Variants in YWHAQ observed in about 807,000 individuals in gnomAD.
YWHAQ encodes the protein tyrosine 3-monooxygenase/tryptophan 5-monooxygenase activation protein theta, also known as 14-3-3 protein theta.
In YWHAQ, 6 loss-of-function variants were observed where a neutral mutation model predicts 28.3. The ratio of observed to expected loss-of-function variants is 0.21; its 90% confidence interval spans 0.12 to 0.42. YWHAQ has a LOEUF of 0.42. Among genes scored for constraint, YWHAQ ranks in the 10% least tolerant of loss-of-function variants. The pLI, the probability that YWHAQ is intolerant of heterozygous loss-of-function variation, is 1.00. For synonymous variants in YWHAQ, 143 were observed against 119.1 expected, an observed-to-expected ratio of 1.20 and a Z score of -1.31; for missense variants, 201 against 305.6, an observed-to-expected ratio of 0.66 and a Z score of 2.55.
intron 2 of YWHAQ, among the ~76,000 whole-genome samples, chr2:9,593,589 G>A (rs886153123): frequency 6.6e-6 from 1 of 151,704 alleles, no homozygotes; most frequent in African/African-American, 2.4e-5. Context: ...GGGAAGTAGA[G>A]GCAGAGGCAA....
In YWHAQ at chr2:9,605,516, C is replaced by T. The variant is rs552472277; in HGVS notation, c.295-14001G>A. On this transcript the variant is annotated intron_variant, in intron 2 of 5. Coordinates refer to ENST00000238081, the MANE Select transcript of YWHAQ (RefSeq NM_006826.4). ...TGATATGTCCAATTCTTGTCCCCTGCCCAAGGCAGCCATCATTTACTAGTT... is the reference window on the plus strand; with the variant it reads ...TGATATGTCCAATTCTTGTCCCCTGTCCAAGGCAGCCATCATTTACTAGTT... 2.0e-5 allele frequency among the ~76,000 whole-genome samples: 3 copies of T among 152,226 alleles called. No homozygotes were observed. In the South Asian group the frequency reaches 6.2e-4, roughly 32 times the overall value.
At chr2:9,592,165 C>T (rs1176237518) in intron 2 of YWHAQ, among the ~76,000 whole-genome samples, 1 of 152,106 alleles carries the variant, frequency 6.6e-6, no homozygotes, top group Non-Finnish European at 1.5e-5. Context: ...TTCAAGTATC[C>T]ATCTAAAATG....
intron 2 of YWHAQ, among the ~76,000 whole-genome samples, chr2:9,606,527 G>C (rs1255449597): frequency 6.6e-6 from 1 of 152,184 alleles, no homozygotes; most frequent in Non-Finnish European, 1.5e-5. Flanking sequence ...ATCTGTCTGT[G>C]TGTGTGTGTG....
intron 2 of YWHAQ, among the ~76,000 whole-genome samples, chr2:9,614,938 C>T (rs868116838): frequency 1.4e-4 from 22 of 152,274 alleles, no homozygotes; most frequent in African/African-American, 5.3e-4. Flanking sequence ...AAAATTATTT[C>T]GCATTTACAA....
intron 2 of YWHAQ, among the ~76,000 whole-genome samples, chr2:9,618,430 A>G (rs1412380016): frequency 6.6e-6 from 1 of 152,234 alleles, no homozygotes; most frequent in East Asian, 1.9e-4. Flanking sequence ...AATTAATTCT[A>G]AAGAGGGAAA....
chr2:9,630,178 G>A lies in YWHAQ; in HGVS notation c.275C>T (p.Ser92Phe), dbSNP rs1037601336. ...YREKVESELR[S>F]ICTTVLELLD... ...ACTCACCAGCACCGTGGTGCAGATG[G>A]ATCTCAGCTCGGACTCCACTTTCTC... The change falls in exon 2 of 6, where the codon TCC becomes TTC. Residue 92 changes from serine to phenylalanine, a missense_variant. Coordinates refer to ENST00000238081, the MANE Select transcript of YWHAQ (RefSeq NM_006826.4). This position sits in a 1 kb window ranked among gnomAD's most constrained non-coding sequence, Gnocchi z 5.6. The A allele has an allele frequency of 1.9e-6, 3 of 1,613,654 alleles. No homozygotes were observed. The highest frequency in any genetic ancestry group is 4.5e-5 in the East Asian group (2 of 44,876).
At chr2:9,614,832 T>G (rs563600331) in intron 2 of YWHAQ, among the ~76,000 whole-genome samples, 2 of 152,306 alleles carry the variant, frequency 1.3e-5, no homozygotes, top group South Asian at 2.1e-4. Context: ...GCAGCTGAAG[T>G]ATATACAACC....
chr2:9,597,045 T>C (rs147989561), intron 2 of YWHAQ, among the ~76,000 whole-genome samples: 15 of 152,368 alleles, frequency 9.8e-5, no homozygotes, highest in African/African-American at 3.6e-4. Context: ...GTGGAACTTT[T>C]ATACTATCGT....
chr2:9,599,005 G>A (rs1666633887), intron 2 of YWHAQ, among the ~76,000 whole-genome samples: 1 of 152,148 alleles, frequency 6.6e-6, no homozygotes, highest in Non-Finnish European at 1.5e-5. Flanking sequence ...AGCTCTTGAA[G>A]GAAATTAAAA....
In YWHAQ at chr2:9,628,332, T is replaced by C. The variant is rs554542426; in HGVS notation, c.294+1827A>G. On this transcript the variant is annotated intron_variant, in intron 2 of 5. Coordinates refer to ENST00000238081, the MANE Select transcript of YWHAQ (RefSeq NM_006826.4). ...AGGGGTTGTCCCCATTGAAATGGTC[T>C]GTATGAAAGTTCTATTCTAATAACA... Among the ~76,000 whole-genome samples, 15 of 152,338 alleles carry C rather than the reference T, an allele frequency of 9.8e-5. No individual in the cohort carries two copies. The South Asian group carries it at 3.1e-3, about 32-fold the overall frequency.
At chr2:9,587,322 T>C (rs1046680194) in intron 5 of YWHAQ, 92 bp downstream of exon 5, 7 of 1,128,648 alleles carry the variant, frequency 6.2e-6, no homozygotes, top group Admixed American at 2.5e-5. Context: ...TCAGCTCGTA[T>C]GTATCTTCCC....
chr2:9,592,553 G>A lies in YWHAQ; in HGVS notation c.295-1038C>T, dbSNP rs566045274. The stretch of plus-strand genomic sequence containing the variant: ...AGCCTGGCCAACATAATGAAACCCC[G>A]TCTCTACTAAAAATACAAAAAATTA... On this transcript the variant is annotated intron_variant, in intron 2 of 5. Transcript: ENST00000238081. Among the ~76,000 whole-genome samples, 247 of 151,942 alleles carry A rather than the reference G, an allele frequency of 1.6e-3. 1 individual carries two copies. Among genetic ancestry groups the A allele is most frequent in the Non-Finnish European group, 2.4e-3 (161 of 67,962 alleles).
At chr2:9,587,031 T>C (rs544930855) in intron 5 of YWHAQ, among the ~76,000 whole-genome samples, 2 of 152,332 alleles carry the variant, frequency 1.3e-5, no homozygotes, top group Middle Eastern at 6.8e-3. Flanking sequence ...AAAGTAAACT[T>C]TTATTAGAAC....
chr2:9,597,789 C>T (rs1572991077), intron 2 of YWHAQ, among the ~76,000 whole-genome samples: 2 of 140,480 alleles, frequency 1.4e-5, no homozygotes, highest in Admixed American at 1.4e-4. Context: ...AGAAGCAAAC[C>T]TTTTTTTTTT....
rs557681626 is a variant in YWHAQ at position 9,620,279 on chromosome 2, A to C, written c.294+9880T>G. 1.8e-3 allele frequency among the ~76,000 whole-genome samples: 269 copies of C among 152,378 alleles called. 4 individuals carry two copies. Among genetic ancestry groups the C allele is most frequent in the African/African-American group, 6.2e-3 (259 of 41,594 alleles). Reference sequence around the variant, plus strand: ...AGAGTATCGTACAGAATATGTATTTAGTACCACACTGTGCCAAACCCAACT... The same window carrying C: ...AGAGTATCGTACAGAATATGTATTTCGTACCACACTGTGCCAAACCCAACT... On this transcript the variant is annotated intron_variant, in intron 2 of 5. Coordinates refer to ENST00000238081, the MANE Select transcript of YWHAQ (RefSeq NM_006826.4).
chr2:9,614,169 G>A (rs1028310973), intron 2 of YWHAQ, among the ~76,000 whole-genome samples: 1 of 152,152 alleles, frequency 6.6e-6, no homozygotes, highest in Non-Finnish European at 1.5e-5. Context: ...AGATTCCCAG[G>A]ATATTCAGGT....
intron 2 of YWHAQ, among the ~76,000 whole-genome samples, chr2:9,604,786 TA>T (rs141771756): frequency 0.15 from 22,827 of 151,718 alleles, 2,091 homozygotes; most frequent in Middle Eastern, 0.23. Flanking sequence ...ATGGTTATAA[TA>T]AAAAAAAATT....
chr2:9,626,576 G>A (rs1410340421), intron 2 of YWHAQ, among the ~76,000 whole-genome samples: 2 of 152,212 alleles, frequency 1.3e-5, no homozygotes, highest in Non-Finnish European at 2.9e-5. Flanking sequence ...CTACAGGCAT[G>A]TGCCACCACG....
chr2:9,627,995 T>C (rs1181760234), intron 2 of YWHAQ, among the ~76,000 whole-genome samples: 1 of 152,260 alleles, frequency 6.6e-6, no homozygotes, highest in African/African-American at 2.4e-5. Flanking sequence ...GATGGGAATA[T>C]TGTGGTATTT....
Sources: gnomAD v4.1 joint callset for allele counts (sites outside exome capture counted in the v4.1 genomes callset) on GRCh38, gnomAD v4.1.1 for gene constraint, Gnocchi (gnomAD v3.1) non-coding constraint, MANE v1.5 for transcripts, NCBI Gene and HGNC (gene_info 2026-07-23, HGNC 2026-07-21) for gene names.